The following CCR5AS variants were observed in gnomAD, a reference collection of about 807,000 sequenced individuals.
The protein encoded by CCR5AS is CCR5 antisense RNA.
chr3:46,385,216 G>T (rs554152819), intron 2 of CCR5AS, among the ~76,000 whole-genome samples: 2 of 152,220 alleles, frequency 1.3e-5, no homozygotes, highest in Non-Finnish European at 2.9e-5. Flanking sequence ...TCTATGTCAA[G>T]CTGTCAAGTG....
rs1559568873 is a variant in CCR5AS, at chr3:46,373,914, G to A, written n.392-2497C>T. The A allele has an allele frequency of 6.3e-7, 1 of 1,596,770 alleles. No homozygotes were observed. Among genetic ancestry groups the A allele is most frequent in the Non-Finnish European group, 8.6e-7 (1 of 1,169,352 alleles). ...AGAGGCTCCCGAGCGAGCAAGCTCA[G>A]TTTACACCCGATCCACTGGGGAGCA... On this transcript the variant is annotated intron_variant and non_coding_transcript_variant, in intron 2 of 3. Coordinates refer to ENST00000451485, the Ensembl canonical transcript of CCR5AS.
At chr3:46,376,852 C>T (rs1701766166) in intron 2 of CCR5AS, among the ~76,000 whole-genome samples, 1 of 152,174 alleles carries the variant, frequency 6.6e-6, no homozygotes, top group Non-Finnish European at 1.5e-5. Flanking sequence ...TCTCCCAGCA[C>T]AGGTCATGGG....
chr3:46,389,630 G>A (rs1176026441), intron 2 of CCR5AS, among the ~76,000 whole-genome samples: 2 of 152,182 alleles, frequency 1.3e-5, no homozygotes, highest in Admixed American at 6.5e-5. Flanking sequence ...GGACGAGTCG[G>A]GGAGTGCTAG....
chr3:46,381,713 T>C lies in CCR5AS; in HGVS notation n.392-10296A>G, dbSNP rs577031640. Among the ~76,000 whole-genome samples, 5 of 152,350 alleles carry C rather than the reference T, an allele frequency of 3.3e-5. No homozygotes were observed. In the South Asian group the frequency reaches 8.3e-4, roughly 25 times the overall value. On this transcript the variant is annotated intron_variant and non_coding_transcript_variant, in intron 2 of 3. Coordinates refer to ENST00000451485, the Ensembl canonical transcript of CCR5AS. The stretch of plus-strand genomic sequence containing the variant: ...AAAATCCTTTTTAGGAGAATCCTAA[T>C]GGTTTCCTGACATATAATCAAATAA...
intron 2 of CCR5AS, among the ~76,000 whole-genome samples, chr3:46,384,878 TAG>T (rs1701845938): frequency 1.1e-4 from 16 of 150,598 alleles, no homozygotes; most frequent in African/African-American, 3.4e-4. Flanking sequence ...GATAGATAGA[TAG>T]ATAGATAGAT....
intron 2 of CCR5AS, chr3:46,374,869 G>C (rs1446528141): frequency 1.8e-5 from 3 of 167,438 alleles, no homozygotes; most frequent in African/African-American, 7.2e-5. Flanking sequence ...CCTCTGCTAA[G>C]CTCAAGGCGT....
intron 3 of CCR5AS, among the ~76,000 whole-genome samples, chr3:46,366,879 A>C (rs1244850419): frequency 1.3e-5 from 2 of 152,204 alleles, no homozygotes; most frequent in African/African-American, 4.8e-5. Context: ...AGGTGGCTCT[A>C]GGGACAGGAA....
At chr3:46,373,965 G>A (rs769213005) in intron 2 of CCR5AS, 20 of 1,546,520 alleles carry the variant, frequency 1.3e-5, no homozygotes, top group Non-Finnish European at 1.4e-5. Flanking sequence ...CTTGTGACAC[G>A]GACTCAAGTG....
chr3:46,379,292 A>G (rs1701792226), intron 2 of CCR5AS, among the ~76,000 whole-genome samples: 2 of 150,546 alleles, frequency 1.3e-5, no homozygotes, highest in Middle Eastern at 3.2e-3. Flanking sequence ...TGTTCTTGCG[A>G]TAGTTTACTG....
intron 2 of CCR5AS, among the ~76,000 whole-genome samples, chr3:46,392,319 C>T (rs1216239273): frequency 6.6e-6 from 1 of 152,172 alleles, no homozygotes; most frequent in Non-Finnish European, 1.5e-5. Flanking sequence ...AAAATTACCC[C>T]ACTCTGGTGC....
At chr3:46,383,755 T>C (rs1440178051) in intron 2 of CCR5AS, among the ~76,000 whole-genome samples, 1 of 152,106 alleles carries the variant, frequency 6.6e-6, no homozygotes, top group Non-Finnish European at 1.5e-5. Flanking sequence ...CTAAGGGGGT[T>C]CTTACTTCCC....
At chr3:46,387,547 A>G (rs1289087706) in intron 2 of CCR5AS, among the ~76,000 whole-genome samples, 1 of 152,186 alleles carries the variant, frequency 6.6e-6, no homozygotes, top group Admixed American at 6.5e-5. Context: ...TCAAGAGTTC[A>G]AGACCAGCCT....
intron 3 of CCR5AS, among the ~76,000 whole-genome samples, chr3:46,366,453 G>A (rs925422091): frequency 1.3e-5 from 2 of 152,196 alleles, no homozygotes; most frequent in African/African-American, 4.8e-5. Context: ...CCTAGACACC[G>A]ATCTGAAAGA....
intron 3 of CCR5AS, chr3:46,370,931 A>G (rs1308238874): frequency 6.6e-6 from 1 of 152,162 alleles, no homozygotes; most frequent in Non-Finnish European, 1.5e-5. Context: ...ATTGATTTGC[A>G]CAGCTCATCT....
At chr3:46,403,829 G>T (rs1702022465) in intron 1 of CCR5AS, among the ~76,000 whole-genome samples, 1 of 152,190 alleles carries the variant, frequency 6.6e-6, no homozygotes, top group Non-Finnish European at 1.5e-5. Context: ...CCACTGTCGT[G>T]GTGTCGGCAA....
chr3:46,391,689 C>T (rs560942839), intron 2 of CCR5AS, among the ~76,000 whole-genome samples: 5 of 152,192 alleles, frequency 3.3e-5, no homozygotes, highest in Admixed American at 2.0e-4. Flanking sequence ...ATTGTTGGGC[C>T]GGTGGGGGAG....
intron 1 of CCR5AS, among the ~76,000 whole-genome samples, chr3:46,406,424 G>T (rs11574434): frequency 2.0e-5 from 3 of 150,192 alleles, no homozygotes; most frequent in Non-Finnish European, 3.0e-5. Flanking sequence ...TGCCCTCCCC[G>T]TCCCACTCTC....
At chr3:46,389,556 G>A (rs180940111) in intron 2 of CCR5AS, among the ~76,000 whole-genome samples, 11 of 152,300 alleles carry the variant, frequency 7.2e-5, no homozygotes, top group Non-Finnish European at 1.6e-4. Context: ...CGTGGGCCTG[G>A]ATCCTGTGTG....
chr3:46,387,079 A>T (rs1242518224), intron 2 of CCR5AS, among the ~76,000 whole-genome samples: 1 of 152,200 alleles, frequency 6.6e-6, no homozygotes, highest in Non-Finnish European at 1.5e-5. Flanking sequence ...GAGAGAAGAG[A>T]TAAGGGAAGT....
Sources: allele counts gnomAD v4.1 joint callset (sites outside exome capture counted in the v4.1 genomes callset), GRCh38; gene constraint gnomAD v4.1.1; transcripts MANE v1.5; gene names NCBI Gene and HGNC (gene_info 2026-07-23, HGNC 2026-07-21).